GABRB1: variants seen among roughly 807,000 people sequenced by gnomAD.
The protein encoded by GABRB1 is gamma-aminobutyric acid type A receptor subunit beta1.
GABRB1 carries 17 observed loss-of-function variants against 51.6 expected under a neutral mutation model. That is an observed-to-expected ratio of 0.33 (90% CI 0.23 to 0.49). GABRB1 has a LOEUF of 0.49. Ranked by LOEUF, GABRB1 falls within the 20% of genes least tolerant of loss-of-function variation. The pLI is 0.99. For missense variants in GABRB1, 410 were observed against 600.6 expected (o/e 0.68, Z 3.32); for synonymous variants, 247 against 218.9 (o/e 1.13, Z -1.14).
intron 4 of GABRB1, among the ~76,000 whole-genome samples, chr4:47,225,115 G>T (rs546757514): frequency 2.0e-5 from 3 of 151,990 alleles, no homozygotes; most frequent in Non-Finnish European, 1.5e-5. Context: ...GGCTGGTCTC[G>T]AATTCCTGAC....
chr4:47,286,153 T>C (rs1488642902), intron 4 of GABRB1, among the ~76,000 whole-genome samples: 1 of 152,172 alleles, frequency 6.6e-6, no homozygotes, highest in Non-Finnish European at 1.5e-5. Context: ...AAGAGATTCA[T>C]GTATTAATGT....
chr4:47,037,062 T>G (rs1725607407), intron 3 of GABRB1, among the ~76,000 whole-genome samples: 4 of 152,168 alleles, frequency 2.6e-5, no homozygotes, highest in Admixed American at 1.3e-4. Context: ...GGGCTTGACC[T>G]AAACTAATAA....
intron 3 of GABRB1, among the ~76,000 whole-genome samples, chr4:47,057,076 G>A (rs1480794867): frequency 6.6e-6 from 1 of 152,150 alleles, no homozygotes; most frequent in Admixed American, 6.5e-5. Flanking sequence ...CTGCACTCCA[G>A]CCTGGGCGAC....
chr4:47,360,220 A>G (rs549596087), intron 5 of GABRB1, among the ~76,000 whole-genome samples: 4 of 152,196 alleles, frequency 2.6e-5, no homozygotes, highest in Admixed American at 6.5e-5. Context: ...GATATGGGAT[A>G]AGGAAGATTT....
intron 3 of GABRB1, among the ~76,000 whole-genome samples, chr4:47,129,657 A>G (rs926428976): frequency 2.0e-5 from 3 of 152,208 alleles, no homozygotes; most frequent in Non-Finnish European, 2.9e-5. Context: ...CACCATCATG[A>G]TAGCTATCAT....
intron 4 of GABRB1, among the ~76,000 whole-genome samples, chr4:47,284,953 C>CACATT (rs1285486512): frequency 6.6e-6 from 1 of 152,140 alleles, no homozygotes; most frequent in Non-Finnish European, 1.5e-5. Context: ...GAGTGAACAA[C>CACATT]AGAGTTTGGA....
intron 4 of GABRB1, among the ~76,000 whole-genome samples, chr4:47,245,229 GT>G (rs554154825): frequency 2.6e-5 from 4 of 152,110 alleles, no homozygotes; most frequent in East Asian, 1.9e-4. Flanking sequence ...TTCACTTAAG[GT>G]TTTTTTCCTG....
chr4:47,143,841 C>T (rs1216647454), intron 3 of GABRB1, among the ~76,000 whole-genome samples: 2 of 151,794 alleles, frequency 1.3e-5, no homozygotes, highest in African/African-American at 4.8e-5. Context: ...CATGATTGCT[C>T]CTTTTGTATG....
At chr4:47,253,233 G>A (rs772339737) in intron 4 of GABRB1, among the ~76,000 whole-genome samples, 10 of 152,290 alleles carry the variant, frequency 6.6e-5, no homozygotes, top group Admixed American at 2.6e-4. Flanking sequence ...ATTTTTTACC[G>A]TTAGGCATTT....
intron 5 of GABRB1, among the ~76,000 whole-genome samples, chr4:47,352,649 G>T (rs1726396815): frequency 6.6e-6 from 1 of 152,132 alleles, no homozygotes; most frequent in Non-Finnish European, 1.5e-5. Flanking sequence ...CATATAAACA[G>T]AATTTTGGTT....
chr4:47,393,569 T>G (rs1195700774), intron 5 of GABRB1, among the ~76,000 whole-genome samples: 2 of 152,228 alleles, frequency 1.3e-5, no homozygotes, highest in African/African-American at 4.8e-5. Context: ...GGTGTTCATA[T>G]GGATTCAACT....
At chr4:47,308,086 A>G (rs977286345) in intron 4 of GABRB1, among the ~76,000 whole-genome samples, 1 of 152,044 alleles carries the variant, frequency 6.6e-6, no homozygotes, top group Non-Finnish European at 1.5e-5. Flanking sequence ...GAAAAATAAT[A>G]TATTCATGAA....
At chr4:47,350,183 T>TTATATATATATATA (rs367708916) in intron 5 of GABRB1, among the ~76,000 whole-genome samples, 3 of 87,736 alleles carry the variant, frequency 3.4e-5, no homozygotes, top group South Asian at 9.7e-4. Flanking sequence ...TGGGCTCAGA[T>TTATATATATATATA]TATATATATA....
chr4:47,224,172 C>A (rs886280007), intron 4 of GABRB1, among the ~76,000 whole-genome samples: 3 of 149,896 alleles, frequency 2.0e-5, no homozygotes, highest in Admixed American at 6.6e-5. Context: ...TCTCAAGCTC[C>A]CTCTCAAGCT....
At chr4:47,290,695 G>A (rs1723693891) in intron 4 of GABRB1, among the ~76,000 whole-genome samples, 2 of 152,260 alleles carry the variant, frequency 1.3e-5, no homozygotes, top group South Asian at 2.1e-4. Flanking sequence ...TTGGGAACTG[G>A]ATAAAAGGTG....
intron 4 of GABRB1, among the ~76,000 whole-genome samples, chr4:47,250,504 C>T (rs1403306433): frequency 6.6e-6 from 1 of 152,196 alleles, no homozygotes. Context: ...AGGTCTCTAG[C>T]AAGGCCAGGG....
At chr4:47,286,137 C>A (rs572944616) in intron 4 of GABRB1, among the ~76,000 whole-genome samples, 3 of 152,250 alleles carry the variant, frequency 2.0e-5, no homozygotes, top group East Asian at 3.9e-4. Context: ...CCAGTAGGAG[C>A]TGAGTAAGAG....
At chr4:47,310,273 C>T (rs1024490653) in intron 4 of GABRB1, among the ~76,000 whole-genome samples, 11 of 152,102 alleles carry the variant, frequency 7.2e-5, no homozygotes, top group Non-Finnish European at 2.9e-5. Flanking sequence ...TAGACAGTGG[C>T]TCCATCTTCT....
chr4:47,032,366 C>A lies in GABRB1; in HGVS notation c.173-51C>A, dbSNP rs373061655. 5.1e-5 allele frequency: 76 copies of A among 1,492,644 alleles called. No individual in the cohort carries two copies. In the Middle Eastern group the frequency reaches 5.3e-4, roughly 10 times the overall value. The allele number at this position is 1,492,644 out of a possible 1,614,324, so 92.5% of individuals were successfully genotyped here. On this transcript the variant is annotated intron_variant, in intron 2 of 8. Transcript: ENST00000295454. ...TGGGAAGCCCCCAGACCCTCCCCAG[C>A]CTGCTGTCACTGAGAGAATCTGTTC... is the stretch of plus-strand genomic sequence containing the variant.
Sources: gnomAD v4.1 joint callset for allele counts (sites outside exome capture counted in the v4.1 genomes callset) on GRCh38, gnomAD v4.1.1 for gene constraint, MANE v1.5 for transcripts, NCBI Gene and HGNC (gene_info 2026-07-23, HGNC 2026-07-21) for gene names.